Variants in NF1 observed in about 807,000 individuals in gnomAD.
The protein encoded by NF1 is neurofibromin.
Under a neutral mutation model 325.7 loss-of-function variants are expected in NF1, and 122 were observed. That is an observed-to-expected ratio of 0.37 (90% CI 0.32 to 0.44). The LOEUF (loss-of-function observed/expected upper bound fraction) is 0.44, where lower values mean the gene tolerates loss of function less well. NF1 is among the 20% of genes least tolerant of loss of function. The probability of loss-of-function intolerance (pLI) is 1.00; values close to 1 mark genes in which losing one functional copy is unlikely to be tolerated. For missense variants in NF1, 2,140 were observed against 3,415.4 expected (o/e 0.63, Z 9.31); for synonymous variants, 1,091 against 1,186.0 (o/e 0.92, Z 1.65).
intron 57 of NF1, chr17:31,367,334 C>A: frequency 8.8e-7 from 1 of 1,140,374 alleles, no homozygotes; most frequent in Non-Finnish European, 1.2e-6. Context: ...CACACTCATC[C>A]TGGGCACATA....
rs533210843 is a variant in NF1 at position 31,229,007 on chromosome 17, C to T, written c.2410-18C>T. 30 of 1,586,016 alleles carry T rather than the reference C, an allele frequency of 1.9e-5. No homozygotes were observed. The South Asian group carries it at 3.0e-4, about 16-fold the overall frequency. On this transcript the variant is annotated intron_variant, in intron 20 of 57. Transcript: ENST00000358273. ...ATTAAGGTTTAATTCATGCTTTGCA[C>T]AAAAATTTTGTGTTTAGGCTGCTGA...
intron 1 of NF1, 91 bp downstream of exon 1, chr17:31,095,460 G>A: frequency 2.4e-6 from 3 of 1,253,158 alleles, no homozygotes; most frequent in Non-Finnish European, 3.3e-6. Context: ...CCTCCCCCGC[G>A]GCTGCCTCAG....
intron 29 of NF1, among the ~76,000 whole-genome samples, chr17:31,247,562 A>T (rs992266772): frequency 1.3e-5 from 2 of 152,196 alleles, no homozygotes; most frequent in African/African-American, 4.8e-5. Flanking sequence ...CAACTGCTAG[A>T]TTGGAGGGGA....
At chr17:31,107,263 TTA>T (rs1567792526) in intron 1 of NF1, among the ~76,000 whole-genome samples, 2 of 152,116 alleles carry the variant, frequency 1.3e-5, no homozygotes, top group Non-Finnish European at 2.9e-5. Context: ...TCTTTCCCTG[TTA>T]TGTTTCAGTT....
intron 1 of NF1, among the ~76,000 whole-genome samples, chr17:31,107,252 T>A (rs1228145880): frequency 6.6e-6 from 1 of 152,168 alleles, no homozygotes; most frequent in Non-Finnish European, 1.5e-5. Flanking sequence ...AGCACAGTAT[T>A]TCTTTCCCTG....
intron 1 of NF1, among the ~76,000 whole-genome samples, chr17:31,124,592 ATTTTT>A (rs35335433): frequency 1.6e-5 from 1 of 62,918 alleles, no homozygotes; most frequent in Non-Finnish European, 2.9e-5. Flanking sequence ...GTATTCTTGA[ATTTTT>A]TTTTTTTTTT....
intron 36 of NF1, among the ~76,000 whole-genome samples, chr17:31,310,627 C>T (rs1312975362): frequency 6.6e-6 from 1 of 152,048 alleles, no homozygotes; most frequent in Non-Finnish European, 1.5e-5. Flanking sequence ...GTATCCTTAC[C>T]ATCCTCTCCC....
At chr17:31,275,771 A>G (rs1246956323) in intron 36 of NF1, among the ~76,000 whole-genome samples, 1 of 152,186 alleles carries the variant, frequency 6.6e-6, no homozygotes, top group Non-Finnish European at 1.5e-5. Flanking sequence ...TTAGTACTTT[A>G]TACTTTGATC....
At chr17:31,191,476 A>T (rs2066341500) in intron 8 of NF1, among the ~76,000 whole-genome samples, 1 of 152,228 alleles carries the variant, frequency 6.6e-6, no homozygotes, top group Admixed American at 6.5e-5. Context: ...ACTCGGCAAC[A>T]TGTGTAAATC....
chr17:31,095,215 C>G lies in NF1; in HGVS notation c.-95C>G. 1 of 1,207,438 alleles carries G rather than the reference C, an allele frequency of 8.3e-7. No homozygotes were observed. Among genetic ancestry groups the G allele is most frequent in the South Asian group, 1.3e-5 (1 of 77,368 alleles). The allele number at this position is 1,207,438 out of a possible 1,614,324, so 74.8% of individuals were successfully genotyped here. A position where few individuals can be genotyped will look rare whatever the true frequency, so the allele number is the denominator to read the frequency against. ...TGCACTCCACAGACCCTCTCCTTGCCTCTTCCCTCACCTCAGCCTCCGCTC... is the reference window on the plus strand; with the variant it reads ...TGCACTCCACAGACCCTCTCCTTGCGTCTTCCCTCACCTCAGCCTCCGCTC... On this transcript the variant is annotated 5_prime_UTR_variant, in exon 1 of 58. Coordinates refer to ENST00000358273, the MANE Select transcript of NF1 (RefSeq NM_001042492.3).
intron 1 of NF1, among the ~76,000 whole-genome samples, chr17:31,132,875 C>T (rs929877216): frequency 1.3e-5 from 2 of 152,086 alleles, no homozygotes; most frequent in African/African-American, 4.8e-5. Context: ...CCATTTTGGC[C>T]AGGCTGGTCT....
intron 36 of NF1, among the ~76,000 whole-genome samples, chr17:31,277,494 C>T (rs17881818): frequency 1.2e-4 from 19 of 152,250 alleles, no homozygotes; most frequent in African/African-American, 4.6e-4. Context: ...TGCTGACTAA[C>T]ATAACTACAT....
At chr17:31,354,365 A>G (rs1346347819) in intron 51 of NF1, among the ~76,000 whole-genome samples, 1 of 152,180 alleles carries the variant, frequency 6.6e-6, no homozygotes, top group East Asian at 1.9e-4. Flanking sequence ...AGTGGGGAAT[A>G]GCAAGAATAA....
At chr17:31,096,837 G>A (rs1391140871) in intron 1 of NF1, among the ~76,000 whole-genome samples, 2 of 152,142 alleles carry the variant, frequency 1.3e-5, no homozygotes, top group Non-Finnish European at 2.9e-5. Flanking sequence ...AGACCCAAAG[G>A]CATCTAAACT....
chr17:31,108,527 C>CA (rs1913100131), intron 1 of NF1, among the ~76,000 whole-genome samples: 1 of 152,140 alleles, frequency 6.6e-6, no homozygotes. Flanking sequence ...CCACCCGCCT[C>CA]AGTCTCCCAA....
intron 36 of NF1, chr17:31,272,752 A>T (rs902366233): frequency 1.3e-5 from 2 of 152,218 alleles, no homozygotes; most frequent in African/African-American, 4.8e-5. Context: ...TGATAGCTTG[A>T]ACATCATCCT....
chr17:31,276,942 AG>A (rs1456726550), intron 36 of NF1, among the ~76,000 whole-genome samples: 1 of 34,346 alleles, frequency 2.9e-5, no homozygotes, highest in Non-Finnish European at 1.6e-4. Flanking sequence ...ACTACTAATA[AG>A]ACTGTTGATC....
At position 31,163,312 on chromosome 17, in the gene NF1, T is replaced by G. The variant is rs1555606096; in HGVS notation, c.415T>G (p.Ser139Ala). 1 of 1,614,188 alleles carries G rather than the reference T, an allele frequency of 6.2e-7. No individual in the cohort carries two copies. Among genetic ancestry groups the G allele is most frequent in the Middle Eastern group, 1.6e-4 (1 of 6,062 alleles). The change falls in exon 4 of 58, where the codon TCT (serine) becomes GCT (alanine). Residue 139 changes from serine (S) to alanine (A), a missense_variant. Around this residue, in one of 10 missense-constraint regions of NF1, gnomAD observed 246 missense variants for 347.8 expected, o/e 0.71. Transcript: ENST00000358273. Reference protein sequence around the residue: ...QHAAELRNSASGVLFSLSCNN... With the variant: ...QHAAELRNSAAGVLFSLSCNN... ...TGCAGCTGAACTTCGGAATTCTGCC[T>G]CTGGGGTTTTATTTTCTCTCAGCTG...
At chr17:31,223,378 A>C (rs193231026) in intron 15 of NF1, 66 bp from the exon 16 acceptor site, 1 of 1,574,030 alleles carries the variant, frequency 6.4e-7, no homozygotes, top group Admixed American at 1.7e-5. Flanking sequence ...TGCCATTCTT[A>C]TGTCTGGTTA....
Sources: allele counts gnomAD v4.1 joint callset (sites outside exome capture counted in the v4.1 genomes callset), GRCh38; gene constraint gnomAD v4.1.1; regional missense constraint gnomAD v4.1.1; transcripts MANE v1.5; gene names NCBI Gene and HGNC (gene_info 2026-07-23, HGNC 2026-07-21).